HIF3A: variants seen among roughly 807,000 people sequenced by gnomAD.
HIF3A encodes hypoxia-inducible factor 3-alpha.
HIF3A carries 41 observed loss-of-function variants against 67.2 expected under a neutral mutation model. The observed-to-expected ratio is 0.61, with a 90% CI of 0.48 to 0.79. The LOEUF (loss-of-function observed/expected upper bound fraction) is 0.79, where lower values mean the gene tolerates loss of function less well. Ranked by LOEUF, HIF3A falls within the 30% of genes least tolerant of loss-of-function variation. The pLI is 0.00. For missense variants in HIF3A, 855 were observed against 898.0 expected, an observed-to-expected ratio of 0.95 and a Z score of 0.61; for synonymous variants, 356 against 374.8, an observed-to-expected ratio of 0.95 and a Z score of 0.58.
At chr19:46,308,365 C>T in intron 4 of HIF3A, 60 bp downstream of exon 4, 1 of 1,039,768 alleles carries the variant, frequency 9.6e-7, no homozygotes, top group Non-Finnish European at 1.5e-6. Flanking sequence ...GGCTCCACCC[C>T]TCCCTCAGCA....
chr19:46,336,398 G>C (rs1169493574), intron 14 of HIF3A, among the ~76,000 whole-genome samples: 1 of 151,654 alleles, frequency 6.6e-6, no homozygotes, highest in Non-Finnish European at 1.5e-5. Context: ...GAAGGGTCTC[G>C]CTCTGTCACT....
In HIF3A at chr19:46,330,776, G is replaced by GTGGA. The variant is rs111371861; in HGVS notation, c.1713-352_1713-349dup. Among the ~76,000 whole-genome samples, 1,282 of 145,168 alleles carry GTGGA rather than the reference G, an allele frequency of 8.8e-3. 20 individuals carry two copies. The highest frequency in any genetic ancestry group is 0.023 in the African/African-American group (885 of 38,974). ...GGCAGATGGATGGATGGGTGGATCA[G>GTGGA]TGGATGGATGGATGGATGGATGGAT... On this transcript the variant is annotated intron_variant, in intron 12 of 14. Transcript: ENST00000377670.
chr19:46,298,887 C>T (rs979352044), intron 1 of HIF3A, among the ~76,000 whole-genome samples: 2 of 143,104 alleles, frequency 1.4e-5, no homozygotes, highest in Admixed American at 7.3e-5. Flanking sequence ...TTTCGTAAGA[C>T]GCCCCCCCCC....
At chr19:46,336,218 G>C (rs1040357979) in intron 14 of HIF3A, among the ~76,000 whole-genome samples, 2 of 145,210 alleles carry the variant, frequency 1.4e-5, no homozygotes, top group Non-Finnish European at 3.0e-5. Flanking sequence ...TCAGCCTCCC[G>C]AGTAACTGGG....
Position 46,331,292 on chromosome 19 carries a change from G to T in HIF3A, c.1830+19G>T, listed in dbSNP as rs1212171247. On this transcript the variant is annotated intron_variant, in intron 13 of 14. Transcript: ENST00000377670. ...CAGCCTGGTGTGTTGGGGGATTAAT[G>T]GGATTCTCTGGCCCTCATTACCTAG... is the stretch of plus-strand genomic sequence containing the variant. The T allele has an allele frequency of 6.3e-7, 1 of 1,583,472 alleles. No homozygotes were observed. The highest frequency in any genetic ancestry group is 1.1e-5 in the South Asian group (1 of 90,346).
chr19:46,321,865 C>T lies in HIF3A; in HGVS notation c.1234C>T (p.Pro412Ser). 1.2e-6 allele frequency: 2 copies of T among 1,614,054 alleles called. No homozygotes were observed. The highest frequency in any genetic ancestry group is 1.7e-6 in the Non-Finnish European group (2 of 1,180,020). ...LAADPRRFCS[P>S]DLRRLLGPIL... ...CGCTGACCCCCGCCGTTTCTGCAGC[C>T]CTGACCTCCGTCGCCTCCTGGGACC... is the stretch of plus-strand genomic sequence containing the variant. The change falls in exon 10 of 15, where the codon CCT (proline) becomes TCT (serine). Residue 412 changes from proline (P) to serine (S), a missense_variant. By Grantham distance (74) the Pro-to-Ser change is moderately conservative (BLOSUM62 -1). This residue lies in a region of HIF3A where 638 missense variants were observed against 660.5 expected (regional missense o/e 0.97). Transcript: ENST00000377670.
intron 1 of HIF3A, among the ~76,000 whole-genome samples, chr19:46,302,636 G>C (rs1294316774): frequency 6.6e-6 from 1 of 152,222 alleles, no homozygotes; most frequent in Admixed American, 6.5e-5. Context: ...AATTTGGGGA[G>C]GCCAAGGTGG....
At chr19:46,298,433 A>G (rs1968041326) in intron 1 of HIF3A, 2 of 1,287,518 alleles carry the variant, frequency 1.6e-6, no homozygotes, top group Non-Finnish European at 2.0e-6. Context: ...CCCACTCGTA[A>G]CTCGCACCCG....
chr19:46,310,388 C>A (rs1164494594), intron 6 of HIF3A, among the ~76,000 whole-genome samples: 5 of 152,182 alleles, frequency 3.3e-5, no homozygotes, highest in Admixed American at 6.5e-5. Flanking sequence ...GAATGAGACA[C>A]TGTCTCTCAA....
Position 46,308,272 on chromosome 19 carries a change from G to C in HIF3A, c.415G>C (p.Glu139Gln). The C allele has an allele frequency of 1.9e-6, 3 of 1,613,848 alleles. No individual in the cohort carries two copies. The highest frequency in any genetic ancestry group is 2.5e-6 in the Non-Finnish European group (3 of 1,179,844). ...IFDFIHPCDQ[E>Q]ELQDALTPQQ... ...TGATTTCATCCACCCCTGTGACCAA[G>C]AGGAGCTTCAGGACGCCCTGACCCC... Residue 139 changes from glutamate (E) to glutamine (Q), a missense_variant, in exon 4 of 15, where the codon GAG becomes CAG. Glu to Gln is a conservative substitution (Grantham distance 29). Transcript: ENST00000377670.
At chr19:46,330,237 G>A (rs985219976) in intron 12 of HIF3A, among the ~76,000 whole-genome samples, 6 of 152,286 alleles carry the variant, frequency 3.9e-5, no homozygotes, top group South Asian at 2.1e-4. Context: ...GAGGGAGGGA[G>A]GGAATTATTA....
At chr19:46,300,417 T>C (rs931755427) in intron 1 of HIF3A, among the ~76,000 whole-genome samples, 3 of 152,142 alleles carry the variant, frequency 2.0e-5, no homozygotes, top group Admixed American at 6.5e-5. Flanking sequence ...TCCCAACATT[T>C]TGGGAGTCCG....
At chr19:46,312,104 T>C in intron 6 of HIF3A, 57 bp from the exon 7 acceptor site, 1 of 1,270,696 alleles carries the variant, frequency 7.9e-7, no homozygotes, top group Non-Finnish European at 1.2e-6. Context: ...TCCCTCTGCC[T>C]ACCCTCTCTC....
intron 6 of HIF3A, 147 bp from the exon 7 acceptor site, chr19:46,312,014 C>G (rs911959097): frequency 1.7e-5 from 13 of 776,358 alleles, no homozygotes; most frequent in Non-Finnish European, 2.6e-5. Flanking sequence ...TCCTCTTGTT[C>G]TGTTTCTTAC....
At chr19:46,338,802 C>T (rs1295210238) in intron 14 of HIF3A, among the ~76,000 whole-genome samples, 1 of 152,126 alleles carries the variant, frequency 6.6e-6, no homozygotes, top group African/African-American at 2.4e-5. Flanking sequence ...GCATCTGACT[C>T]TGGACTCGGG....
At chr19:46,316,111 G>C (rs1969894401) in intron 8 of HIF3A, among the ~76,000 whole-genome samples, 1 of 151,564 alleles carries the variant, frequency 6.6e-6, no homozygotes, top group Non-Finnish European at 1.5e-5. Flanking sequence ...CATGCCTGTA[G>C]TGCCAGCTAC....
At chr19:46,298,095 T>C (rs1020350498) in intron 1 of HIF3A, among the ~76,000 whole-genome samples, 3 of 152,076 alleles carry the variant, frequency 2.0e-5, no homozygotes, top group Admixed American at 6.5e-5. Flanking sequence ...GAAAATGTTC[T>C]AGGTCCTCAG....
intron 8 of HIF3A, among the ~76,000 whole-genome samples, chr19:46,313,661 A>G (rs1007993367): frequency 2.6e-5 from 3 of 115,584 alleles, no homozygotes; most frequent in African/African-American, 6.2e-5. Flanking sequence ...CACAATTACC[A>G]CGATTTTTTT....
At position 46,329,366 on chromosome 19, in the gene HIF3A, G is replaced by T. The variant is rs773477484; in HGVS notation, c.1600G>T (p.Ala534Ser). The T allele has an allele frequency of 2.3e-5, 37 of 1,612,416 alleles. No individual in the cohort carries two copies. Among genetic ancestry groups the T allele is most frequent in the Non-Finnish European group, 3.4e-6 (4 of 1,179,532 alleles). The change falls in exon 12 of 15, where the codon GCC becomes TCC. Residue 534 changes from alanine to serine, a missense_variant. This residue lies in a region of HIF3A where 199 missense variants were observed against 193.8 expected (regional missense o/e 1.03). Coordinates refer to ENST00000377670, the MANE Select transcript of HIF3A (RefSeq NM_152795.4). ...ARSFHGLSPP[A>S]LEPSLLPRWG... ...GAGCTTCCATGGCCTGTCACCTCCA[G>T]CCCTTGAGCCCTCCCTGCTACCCCG...
Sources: allele counts gnomAD v4.1 joint callset (sites outside exome capture counted in the v4.1 genomes callset), GRCh38; gene constraint gnomAD v4.1.1; regional missense constraint gnomAD v4.1.1; transcripts MANE v1.5; gene names NCBI Gene and HGNC (gene_info 2026-07-23, HGNC 2026-07-21).